DIP2B: variants seen among roughly 807,000 people sequenced by gnomAD.
DIP2B encodes DIP2 acetate--CoA ligase B (putative).
In DIP2B, 76 loss-of-function variants were observed where a neutral mutation model predicts 198.0. The observed-to-expected ratio is 0.38, with a 90% CI of 0.32 to 0.46. The LOEUF is 0.46. Among genes scored for constraint, DIP2B ranks in the 20% least tolerant of loss-of-function variants. The probability of loss-of-function intolerance (pLI) is 0.99; values close to 1 mark genes in which losing one functional copy is unlikely to be tolerated. For missense variants in DIP2B, 1,559 were observed against 1,978.4 expected, an observed-to-expected ratio of 0.79 and a Z score of 4.02; for synonymous variants, 701 against 739.1, an observed-to-expected ratio of 0.95 and a Z score of 0.84.
rs1392571310 is a variant in DIP2B, at chr12:50,690,958, G to GT, written c.1552-86dup. 4.6e-6 allele frequency: 5 copies of GT among 1,091,144 alleles called. No individual in the cohort carries two copies. The African/African-American group carries it at 6.3e-5, about 14-fold the overall frequency. 67.6% of individuals were successfully genotyped at this position (1,091,144 alleles called of 1,614,324 possible). On this transcript the variant is annotated intron_variant, in intron 12 of 37. Coordinates refer to ENST00000301180, the MANE Select transcript of DIP2B (RefSeq NM_173602.3). ...ATGTTAAATTCAGCCCATTATGATGGTTTTTCTGGGTTTTGTTTTTGGATT... is the reference window on the plus strand; with the variant it reads ...ATGTTAAATTCAGCCCATTATGATGGTTTTTTCTGGGTTTTGTTTTTGGATT...
At chr12:50,538,530 CT>C (rs1565816986) in intron 1 of DIP2B, among the ~76,000 whole-genome samples, 1 of 152,114 alleles carries the variant, frequency 6.6e-6, no homozygotes, top group Non-Finnish European at 1.5e-5. Flanking sequence ...AATAGTGTAA[CT>C]TTCAGTAATA....
chr12:50,654,875 ACTCT>A, intron 3 of DIP2B: 1 of 274,226 alleles, frequency 3.6e-6, no homozygotes, highest in South Asian at 3.6e-5. Flanking sequence ...TAGACAACAC[ACTCT>A]GAAGGTTAGG....
At chr12:50,556,507 G>A (rs1958472471) in intron 1 of DIP2B, among the ~76,000 whole-genome samples, 2 of 152,074 alleles carry the variant, frequency 1.3e-5, no homozygotes, top group South Asian at 4.2e-4. Context: ...CCGTTTTACT[G>A]GGAGTTAGAA....
In DIP2B at chr12:50,742,417, AAAAAAC is replaced by A. The variant is rs1940266220; in HGVS notation, c.4478+879_4478+884del. Among the ~76,000 whole-genome samples, 3 of 73,962 alleles carry A rather than the reference AAAAAAC, an allele frequency of 4.1e-5. 1 individual carries two copies. Among genetic ancestry groups the A allele is most frequent in the Non-Finnish European group, 7.8e-5 (2 of 25,566 alleles). 48.5% of individuals were successfully genotyped at this position (73,962 alleles called of 152,430 possible). On this transcript the variant is annotated intron_variant, in intron 37 of 37. Coordinates refer to ENST00000301180, the MANE Select transcript of DIP2B (RefSeq NM_173602.3). ...CTCAAAAAAAAAAAAAAAAAAAAAA[AAAAAAC>A]CACCTCTGTAGTGTTTACCTACTGG...
chr12:50,530,315 C>T (rs952420976), intron 1 of DIP2B, among the ~76,000 whole-genome samples: 4 of 152,290 alleles, frequency 2.6e-5, no homozygotes, highest in African/African-American at 9.6e-5. Context: ...CTCCTGACCT[C>T]ATGATCTGCC....
intron 1 of DIP2B, among the ~76,000 whole-genome samples, chr12:50,560,366 A>G (rs1434973472): frequency 6.7e-6 from 1 of 150,282 alleles, no homozygotes; most frequent in East Asian, 2.0e-4. Flanking sequence ...ACTGCATTCC[A>G]GCTTGGGCAA....
At chr12:50,736,126 TC>T (rs894030722) in intron 34 of DIP2B, among the ~76,000 whole-genome samples, 2 of 152,222 alleles carry the variant, frequency 1.3e-5, no homozygotes, top group African/African-American at 4.8e-5. Flanking sequence ...AAAAAAAGAA[TC>T]CCTGCCAAAC....
chr12:50,719,126 T>C (rs1939787688), intron 25 of DIP2B, 91 bp downstream of exon 25: 2 of 1,379,710 alleles, frequency 1.4e-6, no homozygotes, highest in Non-Finnish European at 2.0e-6. Context: ...AGAAAATTTC[T>C]GTTGCCATCT....
intron 2 of DIP2B, among the ~76,000 whole-genome samples, chr12:50,637,751 C>T (rs771021085): frequency 6.6e-6 from 1 of 152,130 alleles, no homozygotes; most frequent in Non-Finnish European, 1.5e-5. Context: ...CTGTTTCACT[C>T]TGTTACTCTT....
At chr12:50,606,435 A>G (rs1958982266) in intron 1 of DIP2B, among the ~76,000 whole-genome samples, 1 of 152,106 alleles carries the variant, frequency 6.6e-6, no homozygotes, top group South Asian at 2.1e-4. Context: ...CATTTGTTTT[A>G]TTGCTGGATA....
rs143337436 is a variant in DIP2B, at chr12:50,723,247, G to C, written c.3212G>C (p.Cys1071Ser). The change falls in exon 27 of 38, where the codon TGT (cysteine) becomes TCT (serine). Residue 1071 changes from cysteine to serine, a missense_variant. By Grantham distance (112) the Cys-to-Ser change is moderately radical. Transcript: ENST00000301180. The stretch of plus-strand genomic sequence containing the variant: ...TTCTATGGCTGCCTGTATGCGGGCT[G>C]TATACCTGTGACCGTCAGACCTCCA... The part of the protein sequence containing the change: ...AAFYGCLYAG[C>S]IPVTVRPPHA... The C allele has an allele frequency of 3.1e-5, 50 of 1,614,166 alleles. No homozygotes were observed. In the African/African-American group the frequency reaches 5.1e-4, roughly 16 times the overall value.
intron 20 of DIP2B, 92 bp from the exon 21 acceptor site, chr12:50,706,446 T>A: frequency 6.8e-7 from 1 of 1,468,218 alleles, no homozygotes; most frequent in South Asian, 1.3e-5. Context: ...TAATACTTTT[T>A]AAATGAGATT....
intron 1 of DIP2B, among the ~76,000 whole-genome samples, chr12:50,624,074 TATC>T (rs1164678943): frequency 2.4e-4 from 36 of 152,212 alleles, no homozygotes; most frequent in African/African-American, 8.4e-4. Context: ...GTGTGAATGT[TATC>T]ATTGAATAAA....
intron 1 of DIP2B, among the ~76,000 whole-genome samples, chr12:50,582,388 G>A (rs1458994574): frequency 2.0e-5 from 3 of 151,950 alleles, no homozygotes; most frequent in Non-Finnish European, 2.9e-5. Flanking sequence ...GACTTCAGGC[G>A]ATTTGCCCGC....
At chr12:50,535,390 A>G (rs1344359788) in intron 1 of DIP2B, among the ~76,000 whole-genome samples, 2 of 149,512 alleles carry the variant, frequency 1.3e-5, no homozygotes, top group African/African-American at 4.9e-5. Flanking sequence ...TTTTTTTGAA[A>G]CAGAGTCTCG....
At chr12:50,726,471 C>T (rs953973996) in intron 28 of DIP2B, among the ~76,000 whole-genome samples, 2 of 152,164 alleles carry the variant, frequency 1.3e-5, no homozygotes, top group African/African-American at 4.8e-5. Context: ...CTGCCTCAGC[C>T]TCCCGAGTAG....
chr12:50,640,787 C>T lies in DIP2B; in HGVS notation c.236C>T (p.Thr79Ile). ...ACACCTGCTCCATCTGCAGCTCAAA[C>T]TTCTGCTCCCTCTAAGTACCACCGA... The part of the protein sequence containing the change: ...NQTPAPSAAQ[T>I]SAPSKYHRTR... Residue 79 changes from threonine to isoleucine, a missense_variant, in exon 3 of 38, where the codon ACT (threonine) becomes ATT (isoleucine). By Grantham distance (89) the Thr-to-Ile change is moderately conservative. Transcript: ENST00000301180. 6.2e-7 allele frequency: 1 copy of T among 1,614,022 alleles called. No homozygotes were observed. Among genetic ancestry groups the T allele is most frequent in the Non-Finnish European group, 8.5e-7 (1 of 1,179,910 alleles).
At chr12:50,513,892 G>T (rs1206056808) in intron 1 of DIP2B, among the ~76,000 whole-genome samples, 4 of 145,672 alleles carry the variant, frequency 2.7e-5, no homozygotes, top group African/African-American at 7.5e-5. Flanking sequence ...AAAAAAAAGT[G>T]TTCTTGATCT....
chr12:50,592,373 A>G (rs955630408), intron 1 of DIP2B, among the ~76,000 whole-genome samples: 1 of 151,282 alleles, frequency 6.6e-6, no homozygotes, highest in Non-Finnish European at 1.5e-5. Context: ...ACAAGGTTTC[A>G]TGTTGTTGCC....
Sources: gnomAD v4.1 joint callset for allele counts (sites outside exome capture counted in the v4.1 genomes callset) on GRCh38, gnomAD v4.1.1 for gene constraint, MANE v1.5 for transcripts, NCBI Gene and HGNC (gene_info 2026-07-23, HGNC 2026-07-21) for gene names.